DGCR2: variants seen among roughly 807,000 people sequenced by gnomAD.
DGCR2 encodes integral membrane protein DGCR2/IDD.
In DGCR2, 24 loss-of-function variants were observed where a neutral mutation model predicts 51.6. That is an observed-to-expected ratio of 0.47 (90% CI 0.34 to 0.65). The LOEUF (loss-of-function observed/expected upper bound fraction) is 0.65. DGCR2 is among the 30% of genes least tolerant of loss of function. DGCR2 has a pLI of 0.01. For missense variants in DGCR2, 765 were observed against 772.1 expected (o/e 0.99, Z 0.11); for synonymous variants, 340 against 315.4 (o/e 1.08, Z -0.82).
chr22:19,052,691 G>C (rs2082562341), intron 6 of DGCR2, among the ~76,000 whole-genome samples: 1 of 151,942 alleles, frequency 6.6e-6, no homozygotes, highest in Non-Finnish European at 1.5e-5. Context: ...TGAGGTGGGA[G>C]GTTCACCTGA....
In DGCR2 at chr22:19,037,793, C is replaced by A. The variant is rs1251703170; in HGVS notation, c.*1072G>T. 2.0e-5 allele frequency: 3 copies of A among 152,542 alleles called. No individual in the cohort carries two copies. The highest frequency in any genetic ancestry group is 7.2e-5 in the African/African-American group (3 of 41,458). 9.4% of individuals were successfully genotyped at this position (152,542 alleles called of 1,614,324 possible). A position where few individuals can be genotyped will look rare whatever the true frequency, so the allele number is the denominator to read the frequency against. ...TCAGGCAAAAGGGTGCCAGGAAGGG[C>A]CCCCAGCCCCTGCGCTGCTGAGGAG... On this transcript the variant is annotated 3_prime_UTR_variant, in exon 10 of 10. Transcript: ENST00000263196.
At chr22:19,044,823 A>G (rs2082471291) in intron 7 of DGCR2, among the ~76,000 whole-genome samples, 1 of 152,188 alleles carries the variant, frequency 6.6e-6, no homozygotes, top group Non-Finnish European at 1.5e-5. Context: ...CCATTTTTCA[A>G]TAGCATTGTT....
chr22:19,052,421 C>CACACAT (rs2082558279), intron 6 of DGCR2, among the ~76,000 whole-genome samples: 1 of 140,996 alleles, frequency 7.1e-6, no homozygotes, highest in Admixed American at 6.8e-5. Context: ...GTCTCACACA[C>CACACAT]ACACACACAC....
At chr22:19,046,206 C>T (rs536201380) in intron 7 of DGCR2, 2 of 151,334 alleles carry the variant, frequency 1.3e-5, no homozygotes, top group Non-Finnish European at 2.9e-5. Flanking sequence ...CATGGTTTTA[C>T]AGTTTGCAGC....
At chr22:19,080,751 G>A (rs902583227) in intron 2 of DGCR2, among the ~76,000 whole-genome samples, 3 of 152,192 alleles carry the variant, frequency 2.0e-5, no homozygotes, top group Non-Finnish European at 2.9e-5. Flanking sequence ...TGGGAGGATC[G>A]CTTGAGTCCA....
Position 19,056,965 on chromosome 22 carries a change from C to T in DGCR2, c.802+21G>A, listed in dbSNP as rs57170043. ...CAAGGGCCCAGACATTCCCCAAGAACGCCAGCTCAAGGGGGCTTACTTCTT... is the reference window on the plus strand; with the variant it reads ...CAAGGGCCCAGACATTCCCCAAGAATGCCAGCTCAAGGGGGCTTACTTCTT... On this transcript the variant is annotated intron_variant, in intron 6 of 9. Coordinates refer to ENST00000263196, the MANE Select transcript of DGCR2 (RefSeq NM_005137.3). 2.2e-4 allele frequency: 345 copies of T among 1,551,876 alleles called. 1 individual carries two copies. Among genetic ancestry groups the T allele is most frequent in the East Asian group, 8.6e-4 (37 of 42,864 alleles).
At chr22:19,063,177 A>T (rs1385356407) in intron 5 of DGCR2, 25 bp downstream of exon 5, 1 of 1,610,482 alleles carries the variant, frequency 6.2e-7, no homozygotes, top group Non-Finnish European at 8.5e-7. Flanking sequence ...AGCTTCAAAC[A>T]CTCCCACACA....
chr22:19,081,615 G>T (rs1329942759), intron 2 of DGCR2, among the ~76,000 whole-genome samples: 1 of 152,202 alleles, frequency 6.6e-6, no homozygotes, highest in Admixed American at 6.5e-5. Flanking sequence ...GGATGGCTTG[G>T]AATTTTATCT....
At chr22:19,060,831 G>A (rs773798181) in intron 5 of DGCR2, 4 of 511,726 alleles carry the variant, frequency 7.8e-6, no homozygotes, top group African/African-American at 3.9e-5. Context: ...AGCGCCTGGA[G>A]AGCGCTCCAC....
intron 1 of DGCR2, among the ~76,000 whole-genome samples, chr22:19,100,131 G>A (rs1264871076): frequency 2.0e-5 from 3 of 151,784 alleles, no homozygotes; most frequent in Admixed American, 6.6e-5. Flanking sequence ...TTAGCTGGAC[G>A]TGGTGGCACA....
intron 2 of DGCR2, among the ~76,000 whole-genome samples, chr22:19,075,063 C>T (rs2082859909): frequency 6.7e-6 from 1 of 150,256 alleles, no homozygotes; most frequent in Admixed American, 6.6e-5. Context: ...CCCCCATCTC[C>T]TCTATTTTCT....
intron 1 of DGCR2, among the ~76,000 whole-genome samples, chr22:19,094,403 C>T (rs146351204): frequency 0.013 from 2,001 of 152,212 alleles, 38 homozygotes; most frequent in South Asian, 0.058. Flanking sequence ...CCAGTCTGGG[C>T]GACAGAATGA....
intron 3 of DGCR2, 91 bp downstream of exon 3, chr22:19,068,008 AC>A: frequency 7.1e-7 from 1 of 1,415,334 alleles, no homozygotes; most frequent in Non-Finnish European, 9.2e-7. Context: ...GCTTTGAGAA[AC>A]CCCTCACGCA....
intron 5 of DGCR2, among the ~76,000 whole-genome samples, chr22:19,062,985 A>C (rs951545397): frequency 6.6e-6 from 1 of 152,146 alleles, no homozygotes; most frequent in African/African-American, 2.4e-5. Flanking sequence ...GTGAGATGCA[A>C]CAGAGGGTTC....
chr22:19,119,848 G>A (rs1208523774), intron 1 of DGCR2, among the ~76,000 whole-genome samples: 1 of 152,032 alleles, frequency 6.6e-6, no homozygotes, highest in Non-Finnish European at 1.5e-5. Context: ...GGAAGCCCAG[G>A]TGGCTTGGCA....
At chr22:19,064,719 C>T (rs754703953) in intron 4 of DGCR2, 129 bp downstream of exon 4, 18 of 842,614 alleles carry the variant, frequency 2.1e-5, no homozygotes, top group Non-Finnish European at 3.2e-5. Context: ...TTCCAGTGGG[C>T]GAGGCTGGTC....
At chr22:19,064,106 T>C (rs1020878008) in intron 4 of DGCR2, among the ~76,000 whole-genome samples, 9 of 152,226 alleles carry the variant, frequency 5.9e-5, no homozygotes, top group African/African-American at 1.7e-4. Flanking sequence ...CCATGTCCCT[T>C]GGCCCAGCTT....
chr22:19,045,968 T>C (rs748936242), intron 7 of DGCR2, among the ~76,000 whole-genome samples: 6 of 152,188 alleles, frequency 3.9e-5, no homozygotes, highest in Non-Finnish European at 7.3e-5. Context: ...TCTCAAGTGA[T>C]CCACCCTCCC....
chr22:19,040,207 C>G (rs538459312), intron 9 of DGCR2, among the ~76,000 whole-genome samples: 2 of 152,356 alleles, frequency 1.3e-5, no homozygotes, highest in East Asian at 3.9e-4. Context: ...CTGTGACAAT[C>G]TGTGTCATGA....
Sources: gnomAD v4.1 joint callset for allele counts (sites outside exome capture counted in the v4.1 genomes callset) on GRCh38, gnomAD v4.1.1 for gene constraint, MANE v1.5 for transcripts, NCBI Gene and HGNC (gene_info 2026-07-23, HGNC 2026-07-21) for gene names.